The following YLPM1 variants were observed in gnomAD, a reference collection of about 807,000 sequenced individuals.
The protein encoded by YLPM1 is YLP motif containing 1.
Under a neutral mutation model 230.0 loss-of-function variants are expected in YLPM1, and 99 were observed. That is an observed-to-expected ratio of 0.43 (90% CI 0.37 to 0.51). YLPM1 has a LOEUF of 0.51. Among genes scored for constraint, YLPM1 ranks in the 20% least tolerant of loss-of-function variants. The pLI is 0.00. For missense variants in YLPM1, 2,592 were observed against 2,707.7 expected, an observed-to-expected ratio of 0.96 and a Z score of 0.95; for synonymous variants, 984 against 942.5, an observed-to-expected ratio of 1.04 and a Z score of -0.81.
intron 6 of YLPM1, among the ~76,000 whole-genome samples, chr14:74,803,076 T>C (rs1054051888): frequency 1.3e-5 from 2 of 151,120 alleles, no homozygotes; most frequent in Non-Finnish European, 2.9e-5. Flanking sequence ...CTTCGCAAAA[T>C]GGTGAGACCC....
intron 18 of YLPM1, chr14:74,827,839 G>C: frequency 1.0e-6 from 1 of 985,316 alleles, no homozygotes; most frequent in Non-Finnish European, 1.2e-6. Flanking sequence ...ACTTCTTTAA[G>C]ATCATGTATA....
rs957345 is a variant in YLPM1 at position 74,809,376 on chromosome 14, C to G, written c.4522-4C>G. 827,054 of 1,599,768 alleles carry G rather than the reference C, an allele frequency of 0.52. 217,125 individuals carry two copies. The highest frequency in any genetic ancestry group is 0.55 in the Middle Eastern group (3,342 of 6,032). On this transcript the variant is annotated splice_polypyrimidine_tract_variant and splice_region_variant and intron_variant, in intron 6 of 20. Transcript: ENST00000325680. Reference sequence around the variant, plus strand: ...TCCACTAAGCTATTTATTCTGTTCTCTAGCCTCCAGGGTCGTATAGACCTC... The same window carrying G: ...TCCACTAAGCTATTTATTCTGTTCTGTAGCCTCCAGGGTCGTATAGACCTC...
At chr14:74,832,753 G>A (rs910125715) in intron 19 of YLPM1, among the ~76,000 whole-genome samples, 4 of 152,180 alleles carry the variant, frequency 2.6e-5, no homozygotes, top group South Asian at 2.1e-4. Context: ...GATTACAGGC[G>A]TGAGCCACTG....
At chr14:74,788,054 T>C (rs2091166479) in intron 4 of YLPM1, among the ~76,000 whole-genome samples, 1 of 152,074 alleles carries the variant, frequency 6.6e-6, no homozygotes, top group South Asian at 2.1e-4. Flanking sequence ...AGACAAACTC[T>C]TTTCATCCAT....
Position 74,782,086 on chromosome 14 carries a change from A to G in YLPM1, c.2043A>G (p.Pro681=). ...LPTPVSFGSA[P]PTTYHPPLQS... is the part of the protein sequence containing the mutation. The stretch of plus-strand genomic sequence containing the variant: ...CTCCTGTGTCTTTTGGTTCTGCCCC[A>G]CCGACAACTTACCATCCTCCGTTGC... Residue 681 remains proline, a synonymous_variant, in exon 4 of 21, where the codon CCA becomes CCG. Transcript: ENST00000325680. 6.2e-7 allele frequency: 1 copy of G among 1,613,958 alleles called. No individual in the cohort carries two copies. Among genetic ancestry groups the G allele is most frequent in the Non-Finnish European group, 8.5e-7 (1 of 1,179,866 alleles).
intron 18 of YLPM1, among the ~76,000 whole-genome samples, chr14:74,825,258 A>G (rs539374655): frequency 6.6e-6 from 1 of 152,150 alleles, no homozygotes; most frequent in African/African-American, 2.4e-5. Flanking sequence ...TTTTACATGC[A>G]ATTACATAAG....
chr14:74,835,747 G>A (rs371097567), intron 20 of YLPM1, 28 bp from the exon 21 acceptor site: 1 of 428,306 alleles, frequency 2.3e-6, no homozygotes, highest in African/African-American at 2.1e-5. Context: ...TTCTTTCCAG[G>A]TGTGACAGCC....
chr14:74,835,135 G>A, intron 19 of YLPM1, 130 bp from the exon 20 acceptor site: 1 of 1,183,300 alleles, frequency 8.5e-7, no homozygotes, highest in East Asian at 2.5e-5. Context: ...GTTTTCCTGG[G>A]TTAGTTTTTA....
Position 74,799,106 on chromosome 14 carries a change from G to A in YLPM1, c.3809G>A (p.Arg1270Lys). The change falls in exon 5 of 21, where the codon AGA (arginine) becomes AAA (lysine). Residue 1270 changes from arginine to lysine, a missense_variant. By Grantham distance (26) the Arg-to-Lys change is conservative (BLOSUM62 2). Around this residue, in one of 4 missense-constraint regions of YLPM1, gnomAD observed 1,862 missense variants for 1,819.8 expected, o/e 1.02. Transcript: ENST00000325680. ...RRGPWWDDWE[R>K]DQDMDEDYNR... is the part of the protein sequence containing the mutation. ...GGCCCTTGGTGGGATGATTGGGAGA[G>A]AGACCAGGATATGGATGAGGACTAC... 2.5e-6 allele frequency: 4 copies of A among 1,613,954 alleles called. No individual in the cohort carries two copies. Among genetic ancestry groups the A allele is most frequent in the Non-Finnish European group, 3.4e-6 (4 of 1,179,882 alleles).
intron 1 of YLPM1, among the ~76,000 whole-genome samples, chr14:74,775,163 C>T (rs899154908): frequency 1.9e-4 from 29 of 152,112 alleles, no homozygotes; most frequent in African/African-American, 6.8e-4. Context: ...GGAATTTATT[C>T]TTCCCAATAG....
chr14:74,797,351 AAGTT>A (rs1373626202), intron 4 of YLPM1, among the ~76,000 whole-genome samples: 5 of 151,960 alleles, frequency 3.3e-5, no homozygotes, highest in Admixed American at 2.0e-4. Context: ...GTGTTGAAGT[AAGTT>A]AGATAATACT....
chr14:74,807,784 A>G (rs1212286275), intron 6 of YLPM1, among the ~76,000 whole-genome samples: 1 of 152,224 alleles, frequency 6.6e-6, no homozygotes, highest in African/African-American at 2.4e-5. Context: ...TGTCAACCAG[A>G]TAACTGAAAG....
chr14:74,810,253 T>C lies in YLPM1; in HGVS notation c.5061T>C (p.Asp1687=). 2 of 1,613,900 alleles carry C rather than the reference T, an allele frequency of 1.2e-6. No homozygotes were observed. The highest frequency in any genetic ancestry group is 1.7e-6 in the Non-Finnish European group (2 of 1,179,876). ...ATGCAGGCCAACGTGATCGTTATGA[T>C]AGAGAAAGAGATCGTGAGCCTTATT... ...TEHAGQRDRY[D]RERDREPYFD... Residue 1687 remains aspartate (D), a synonymous_variant, in exon 9 of 21, where the codon GAT becomes GAC. Coordinates refer to ENST00000325680, the MANE Select transcript of YLPM1 (RefSeq NM_019589.3).
chr14:74,786,049 A>G (rs2091146445), intron 4 of YLPM1, among the ~76,000 whole-genome samples: 1 of 152,090 alleles, frequency 6.6e-6, no homozygotes, highest in Non-Finnish European at 1.5e-5. Context: ...TGTTCAGCTT[A>G]GTGAATTTTC....
intron 18 of YLPM1, among the ~76,000 whole-genome samples, chr14:74,825,187 G>A (rs1276949721): frequency 6.6e-6 from 1 of 152,092 alleles, no homozygotes; most frequent in Non-Finnish European, 1.5e-5. Context: ...GATACAGGAA[G>A]TTTGAGTCAC....
chr14:74,786,488 A>G (rs933749014), intron 4 of YLPM1, among the ~76,000 whole-genome samples: 10 of 151,900 alleles, frequency 6.6e-5, no homozygotes, highest in Non-Finnish European at 1.0e-4. Flanking sequence ...GATAACTGCT[A>G]TACTGAGCCA....
intron 3 of YLPM1, among the ~76,000 whole-genome samples, 161 bp downstream of exon 3, chr14:74,780,745 G>A (rs2091084376): frequency 6.6e-6 from 1 of 152,208 alleles, no homozygotes. Flanking sequence ...TTACCTGGGG[G>A]ACTGGGGAGG....
At chr14:74,814,339 C>T (rs1270640020) in intron 11 of YLPM1, among the ~76,000 whole-genome samples, 2 of 152,162 alleles carry the variant, frequency 1.3e-5, no homozygotes, top group Admixed American at 6.5e-5. Flanking sequence ...CCAGCCTGGG[C>T]GACAGAGCGA....
At chr14:74,788,967 G>C (rs1202793296) in intron 4 of YLPM1, among the ~76,000 whole-genome samples, 1 of 151,964 alleles carries the variant, frequency 6.6e-6, no homozygotes, top group African/African-American at 2.4e-5. Flanking sequence ...GTGAGGTAGG[G>C]GTCAATGTTT....
Sources: allele counts gnomAD v4.1 joint callset (sites outside exome capture counted in the v4.1 genomes callset), GRCh38; gene constraint gnomAD v4.1.1; regional missense constraint gnomAD v4.1.1; transcripts MANE v1.5; gene names NCBI Gene and HGNC (gene_info 2026-07-23, HGNC 2026-07-21).